Variants in SP140 observed in about 807,000 individuals in gnomAD.
The protein encoded by SP140 is nuclear body protein SP140.
A neutral mutation model predicts 125.0 loss-of-function variants in SP140; 81 were observed. That is an observed-to-expected ratio of 0.65 (90% CI 0.54 to 0.78). The LOEUF is 0.78. Ranked by LOEUF, SP140 falls within the 30% of genes least tolerant of loss-of-function variation. The pLI is 0.00. For synonymous variants in SP140, 312 were observed against 354.0 expected (o/e 0.88, Z 1.33); for missense variants, 858 against 1,037.0 (o/e 0.83, Z 2.37).
At chr2:230,289,125 A>G (rs539886849) in intron 18 of SP140, among the ~76,000 whole-genome samples, 84 of 152,334 alleles carry the variant, frequency 5.5e-4, no homozygotes, top group Admixed American at 2.2e-3. Context: ...CCTCTTCAGC[A>G]TCTGTTGTTT....
At chr2:230,306,480 G>A (rs916006354) in intron 22 of SP140, among the ~76,000 whole-genome samples, 6 of 152,238 alleles carry the variant, frequency 3.9e-5, no homozygotes, top group East Asian at 1.9e-4. Context: ...CTCGCCATGC[G>A]CAACTGCAGG....
downstream of SP140, among the ~76,000 whole-genome samples, chr2:230,314,485 G>A (rs868626899): frequency 2.0e-4 from 31 of 152,348 alleles, no homozygotes; most frequent in Middle Eastern, 0.014. Flanking sequence ...ATTGACAAAA[G>A]GGCAAGCTTC....
chr2:230,270,737 T>A, intron 15 of SP140, 98 bp downstream of exon 15: 6 of 1,162,138 alleles, frequency 5.2e-6, no homozygotes, highest in Non-Finnish European at 7.6e-6. Flanking sequence ...TGTTATTATT[T>A]GTAATACTGT....
intron 3 of SP140, among the ~76,000 whole-genome samples, chr2:230,219,295 A>G (rs933113320): frequency 3.9e-5 from 6 of 152,226 alleles, no homozygotes; most frequent in African/African-American, 1.4e-4. Flanking sequence ...TTGTCTATCA[A>G]ATTGGCCAAG....
intron 11 of SP140, among the ~76,000 whole-genome samples, chr2:230,254,186 G>A (rs751040693): frequency 7.2e-5 from 11 of 152,168 alleles, no homozygotes; most frequent in Non-Finnish European, 1.6e-4. Context: ...CAGAGAAAGA[G>A]ATCAAAATAA....
intron 12 of SP140, among the ~76,000 whole-genome samples, chr2:230,267,023 G>T (rs2053228875): frequency 1.3e-5 from 2 of 152,102 alleles, no homozygotes; most frequent in Non-Finnish European, 2.9e-5. Context: ...AATATTTGGG[G>T]GCCATCTTAG....
At chr2:230,314,316 G>A (rs746177093), downstream of SP140, among the ~76,000 whole-genome samples, 16 of 152,142 alleles carry the variant, frequency 1.1e-4, no homozygotes, top group Non-Finnish European at 1.9e-4. Context: ...GACAATGCAA[G>A]TGAACAGTCA....
chr2:230,286,066 C>A (rs1447818391), intron 17 of SP140, among the ~76,000 whole-genome samples: 1 of 152,182 alleles, frequency 6.6e-6, no homozygotes, highest in East Asian at 1.9e-4. Context: ...TGTTTTATCT[C>A]ATTTTCCTGG....
At chr2:230,255,838 C>T (rs2051103384) in intron 12 of SP140, among the ~76,000 whole-genome samples, 1 of 152,170 alleles carries the variant, frequency 6.6e-6, no homozygotes, top group African/African-American at 2.4e-5. Context: ...ATTCTCATGC[C>T]TTTCAATACT....
Position 230,269,855 on chromosome 2 carries a change from A to G in SP140, c.1346A>G (p.Tyr449Cys). ...GGCCCAGGAGCGGAGCAATCAGCAT[A>G]TGAAAATGAGAAGTGTTCCTGTGTC... ...DNVPGAEQSA[Y>C]ENEKCSCVMC... Residue 449 changes from tyrosine to cysteine, a missense_variant, in exon 14 of 27, where the codon TAT becomes TGT. Tyr to Cys is a radical substitution (Grantham distance 194). Coordinates refer to ENST00000392045, the MANE Select transcript of SP140 (RefSeq NM_007237.5). The G allele has an allele frequency of 6.2e-7, 1 of 1,614,014 alleles. No homozygotes were observed. The highest frequency in any genetic ancestry group is 8.5e-7 in the Non-Finnish European group (1 of 1,179,866).
intron 10 of SP140, among the ~76,000 whole-genome samples, chr2:230,252,800 G>A (rs4384773): frequency 0.48 from 73,128 of 150,924 alleles, 18,135 homozygotes; most frequent in African/African-American, 0.58. Context: ...ACTGGGTGAT[G>A]GTTGTGCAAG....
chr2:230,288,236 T>C (rs1471189329), intron 18 of SP140: 1 of 368,100 alleles, frequency 2.7e-6, no homozygotes, highest in African/African-American at 2.1e-5. Context: ...CTGGAGATAG[T>C]TCATTGCCGT....
chr2:230,202,902 T>C (rs2043323048), upstream of SP140: 5 of 657,884 alleles, frequency 7.6e-6, no homozygotes, highest in East Asian at 5.4e-5. Flanking sequence ...CTTCTTCTTA[T>C]GTGTACCTTT....
intron 1 of SP140, chr2:230,210,064 T>C: frequency 3.7e-6 from 4 of 1,072,442 alleles, no homozygotes; most frequent in Non-Finnish European, 5.8e-6. Flanking sequence ...GAGAAAGTGC[T>C]GAGGGAAGTC....
At chr2:230,194,130 G>T in the SP140 span, among the ~76,000 whole-genome samples, 1 of 152,058 alleles carries the variant, frequency 6.6e-6, no homozygotes, top group Admixed American at 6.6e-5. Context: ...GGCATGCTGG[G>T]AACAAGCAGA....
At chr2:230,203,484 C>T (rs1208824787) in intron 1 of SP140, 1 of 152,302 alleles carries the variant, frequency 6.6e-6, no homozygotes, top group Non-Finnish European at 1.5e-5. Context: ...ATGGGTGAAC[C>T]CTTAAGAGGG....
At chr2:230,232,923 A>G (rs1574901878) in intron 1 of SP140, among the ~76,000 whole-genome samples, 2 of 152,142 alleles carry the variant, frequency 1.3e-5, no homozygotes, top group South Asian at 2.1e-4. Context: ...CTTCTTTCTC[A>G]TTTGTATTTG....
At chr2:230,206,625 A>ATATATATATATATATG (rs2043879076) in intron 1 of SP140, among the ~76,000 whole-genome samples, 1 of 102,298 alleles carries the variant, frequency 9.8e-6, no homozygotes, top group Non-Finnish European at 2.1e-5. Context: ...ATATATATAT[A>ATATATATATATATATG]TATATATATA....
intron 12 of SP140, among the ~76,000 whole-genome samples, chr2:230,264,720 A>G (rs1408908535): frequency 1.3e-5 from 2 of 152,190 alleles, no homozygotes; most frequent in Non-Finnish European, 2.9e-5. Context: ...CCTGTGAGCC[A>G]AACTGCAGTA....
Sources: allele counts gnomAD v4.1 joint callset (sites outside exome capture counted in the v4.1 genomes callset), GRCh38; gene constraint gnomAD v4.1.1; transcripts MANE v1.5; gene names NCBI Gene and HGNC (gene_info 2026-07-23, HGNC 2026-07-21).